Variants in ACOT12 observed in about 807,000 individuals in gnomAD.
The protein encoded by ACOT12 is acyl-CoA thioesterase 12.
Under a neutral mutation model 67.7 loss-of-function variants are expected in ACOT12, and 51 were observed. The ratio of observed to expected loss-of-function variants is 0.75; its 90% CI spans 0.60 to 0.95. The LOEUF (loss-of-function observed/expected upper bound fraction) is 0.95, where lower values mean the gene tolerates loss of function less well. ACOT12 is among the 40% of genes least tolerant of loss of function. The pLI, the probability that ACOT12 is intolerant of heterozygous loss-of-function variation, is 0.00. For synonymous variants in ACOT12, 251 were observed against 244.6 expected, an observed-to-expected ratio of 1.03 and a Z score of -0.24; for missense variants, 734 against 708.1, an observed-to-expected ratio of 1.04 and a Z score of -0.41.
intron 11 of ACOT12, among the ~76,000 whole-genome samples, chr5:81,339,839 T>C (rs572385934): frequency 1.1e-4 from 16 of 152,172 alleles, no homozygotes; most frequent in Non-Finnish European, 1.3e-4. Context: ...TCATCACATA[T>C]ACTACAATCT....
At chr5:81,315,088 T>C in the ACOT12 span, among the ~76,000 whole-genome samples, 1 of 152,240 alleles carries the variant, frequency 6.6e-6, no homozygotes, top group Non-Finnish European at 1.5e-5. Context: ...AATCTCCAGC[T>C]AGCCCTAAAA....
rs772516081 is a variant in ACOT12 at position 81,347,835 on chromosome 5, C to T, written c.592G>A (p.Gly198Arg). 4.3e-6 allele frequency: 7 copies of T among 1,614,032 alleles called. No individual in the cohort carries two copies. The highest frequency in any genetic ancestry group is 2.7e-5 in the African/African-American group (2 of 74,918). Residue 198 changes from glycine to arginine, a missense_variant, in exon 6 of 15, where the codon GGA (glycine) becomes AGA (arginine). Gly to Arg is a moderately radical substitution (Grantham distance 125, BLOSUM62 -2). Coordinates refer to ENST00000307624, the MANE Select transcript of ACOT12 (RefSeq NM_130767.3). ...ATAATCTGGCCACCAAATGTATTTC[C>T]GTGATGGTTTGCATGGGGTGGGAGG... Reference protein sequence around the residue: ...LVLPPHANHHGNTFGGQIMAW... With the variant: ...LVLPPHANHHRNTFGGQIMAW...
intron 1 of ACOT12, among the ~76,000 whole-genome samples, chr5:81,393,594 G>C (rs568253472): frequency 6.6e-6 from 1 of 152,240 alleles, no homozygotes; most frequent in African/African-American, 2.4e-5. Flanking sequence ...GCGTGCGTCT[G>C]TGGTCCTAGT....
Position 81,366,582 on chromosome 5 carries a change from C to T in ACOT12, c.259-2693G>A, listed in dbSNP as rs150832721. On this transcript the variant is annotated intron_variant, in intron 3 of 14. Transcript: ENST00000307624. ...ACTGTGATAGCAAACACAGACAAAA[C>T]ATAAATTAATGGGTGTACTACAAAA... 2.0e-5 allele frequency among the ~76,000 whole-genome samples: 3 copies of T among 152,050 alleles called. No homozygotes were observed. The South Asian group carries it at 6.2e-4, about 32-fold the overall frequency.
the ACOT12 span, chr5:81,312,499 T>G: frequency 2.0e-6 from 3 of 1,486,008 alleles, no homozygotes; most frequent in Non-Finnish European, 2.8e-6. Context: ...TGGATGCATT[T>G]GATTACTGTT....
At chr5:81,361,871 G>A (rs1199807763) in intron 4 of ACOT12, among the ~76,000 whole-genome samples, 2 of 152,106 alleles carry the variant, frequency 1.3e-5, no homozygotes, top group African/African-American at 4.8e-5. Flanking sequence ...TTTAATCAGG[G>A]TACATTATGC....
chr5:81,312,353 A>G, the ACOT12 span, among the ~76,000 whole-genome samples: 5 of 152,342 alleles, frequency 3.3e-5, no homozygotes, highest in Admixed American at 3.3e-4. Context: ...GGGATGAGAA[A>G]TTGCCTGTGG....
chr5:81,362,615 A>G (rs1450602723), intron 4 of ACOT12, among the ~76,000 whole-genome samples: 2 of 152,160 alleles, frequency 1.3e-5, no homozygotes, highest in African/African-American at 4.8e-5. Flanking sequence ...AGATACGGGC[A>G]CCTGCACCCA....
rs1199722021 is a variant in ACOT12 at position 81,371,827 on chromosome 5, A to T, written c.198-17T>A. 1.2e-6 allele frequency: 2 copies of T among 1,610,386 alleles called. No homozygotes were observed. Among genetic ancestry groups the T allele is most frequent in the South Asian group, 2.2e-5 (2 of 90,954 alleles). ...TGTCCAACTCTAGGGAAAAACAAAC[A>T]AAAAAACCTCAGTAGTTTTAGCACA... On this transcript the variant is annotated splice_polypyrimidine_tract_variant and intron_variant, in intron 2 of 14. Coordinates refer to ENST00000307624, the MANE Select transcript of ACOT12 (RefSeq NM_130767.3).
chr5:81,360,563 T>C (rs941837460), intron 4 of ACOT12, among the ~76,000 whole-genome samples: 7 of 152,192 alleles, frequency 4.6e-5, no homozygotes, highest in Admixed American at 2.6e-4. Context: ...AGAATCAATA[T>C]GTAGGAATAA....
chr5:81,328,673 G>T (rs1356755105), downstream of ACOT12, among the ~76,000 whole-genome samples: 1 of 152,182 alleles, frequency 6.6e-6, no homozygotes, highest in East Asian at 1.9e-4. Flanking sequence ...AATGATCCAA[G>T]AAAGCGCCAG....
rs199964690 is a variant in ACOT12, at chr5:81,360,069, G to A, written c.361-31C>T. On this transcript the variant is annotated intron_variant, in intron 4 of 14. Transcript: ENST00000307624. ...GAAAGAAAAGCATTTATCTTTTATT[G>A]CCTTGTTAAATTATAAAAGCACAGC... is the stretch of plus-strand genomic sequence containing the variant. 63 of 1,579,118 alleles carry A rather than the reference G, an allele frequency of 4.0e-5. No homozygotes were observed. The African/African-American group carries it at 7.5e-4, about 19-fold the overall frequency.
chr5:81,358,007 CAAAAAAAAA>C (rs777333534), intron 5 of ACOT12, among the ~76,000 whole-genome samples: 3 of 71,038 alleles, frequency 4.2e-5, no homozygotes, highest in Non-Finnish European at 8.8e-5. Context: ...CCCCATCTCA[CAAAAAAAAA>C]AAAAAAAAAA....
intron 2 of ACOT12, among the ~76,000 whole-genome samples, chr5:81,382,047 A>T (rs1339065914): frequency 1.3e-5 from 2 of 152,184 alleles, no homozygotes; most frequent in Non-Finnish European, 2.9e-5. Flanking sequence ...ATTAATTTCA[A>T]TCAAATAAGT....
intron 7 of ACOT12, 52 bp from the exon 8 acceptor site, chr5:81,345,093 C>T (rs1759337603): frequency 2.5e-6 from 4 of 1,599,746 alleles, no homozygotes; most frequent in Non-Finnish European, 3.4e-6. Flanking sequence ...ACCCATCAGG[C>T]CCTCCTTGCA....
chr5:81,319,368 G>A, the ACOT12 span, among the ~76,000 whole-genome samples: 1 of 152,186 alleles, frequency 6.6e-6, no homozygotes, highest in Non-Finnish European at 1.5e-5. Flanking sequence ...TATATTCACA[G>A]AGCTATGCAA....
Position 81,384,270 on chromosome 5 carries a change from G to A in ACOT12, c.197+1487C>T, listed in dbSNP as rs59086133. ...CTCCTGAGTAACTGGGATTACAAGC[G>A]CCCGTCATCACAACTGGCTAATTTT... On this transcript the variant is annotated intron_variant, in intron 2 of 14. Transcript: ENST00000307624. Among the ~76,000 whole-genome samples the A allele has an allele frequency of 8.5e-3, 1,289 of 151,820 alleles. 20 individuals are homozygous for A. Among genetic ancestry groups the A allele is most frequent in the African/African-American group, 0.028 (1,162 of 41,374 alleles).
In ACOT12 at chr5:81,390,421, A is replaced by C. The variant is rs901586645; in HGVS notation, c.127+3567T>G. The stretch of plus-strand genomic sequence containing the variant: ...TAGACACTGTATTTTTCAGTTCTGG[A>C]ATTACCATTTGGCTTTTAAAAAATA... On this transcript the variant is annotated intron_variant, in intron 1 of 14. Transcript: ENST00000307624. 2.0e-5 allele frequency among the ~76,000 whole-genome samples: 3 copies of C among 151,392 alleles called. 1 individual carries two copies. Among genetic ancestry groups the C allele is most frequent in the Admixed American group, 1.3e-4 (2 of 15,206 alleles).
chr5:81,350,698 A>G (rs1052169299), intron 5 of ACOT12, among the ~76,000 whole-genome samples: 1 of 152,200 alleles, frequency 6.6e-6, no homozygotes, highest in African/African-American at 2.4e-5. Flanking sequence ...TAGCCCAGAC[A>G]GGTCATGTGA....
Sources: allele counts gnomAD v4.1 joint callset (sites outside exome capture counted in the v4.1 genomes callset), GRCh38; gene constraint gnomAD v4.1.1; transcripts MANE v1.5; gene names NCBI Gene and HGNC (gene_info 2026-07-23, HGNC 2026-07-21).